Variants in JPH1 observed in about 807,000 individuals in gnomAD.
The protein encoded by JPH1 is junctophilin-1.
JPH1 carries 12 observed loss-of-function variants against 53.6 expected under a neutral mutation model. That is an observed-to-expected ratio of 0.22 (90% CI 0.14 to 0.36). JPH1 has a LOEUF of 0.36. JPH1 is among the 10% of genes least tolerant of loss of function. JPH1 has a pLI of 1.00. For missense variants in JPH1, 808 were observed against 905.5 expected, an observed-to-expected ratio of 0.89 and a Z score of 1.38; for synonymous variants, 375 against 363.8, an observed-to-expected ratio of 1.03 and a Z score of -0.35.
chr8:74,237,186 T>C (rs767485116), intron 5 of JPH1, 22 bp downstream of exon 5: 20 of 1,418,692 alleles, frequency 1.4e-5, no homozygotes, highest in South Asian at 2.5e-5. Flanking sequence ...TGATTTTAGA[T>C]AGAAATTAAG....
intron 2 of JPH1, among the ~76,000 whole-genome samples, chr8:74,260,162 A>G (rs1308526237): frequency 6.6e-6 from 1 of 152,230 alleles, no homozygotes. Context: ...TGAGGAGCCC[A>G]TTTAGCTGAC....
intron 2 of JPH1, among the ~76,000 whole-genome samples, chr8:74,293,434 CACTA>C (rs905172997): frequency 2.6e-5 from 4 of 152,130 alleles, no homozygotes; most frequent in South Asian, 4.1e-4. Context: ...GAGGAGGTGC[CACTA>C]ACTATCATGC....
Position 74,260,448 on chromosome 8 carries a change from T to A in JPH1, c.1140-945A>T, listed in dbSNP as rs16938842. ...CTGCTCTGCAAAGGGAAAGGCCTTGTCCCGTTAGTCTTTAGATGTTTATGG... is the reference window on the plus strand; with the variant it reads ...CTGCTCTGCAAAGGGAAAGGCCTTGACCCGTTAGTCTTTAGATGTTTATGG... On this transcript the variant is annotated intron_variant, in intron 2 of 5. Coordinates refer to ENST00000342232, the MANE Select transcript of JPH1 (RefSeq NM_020647.4). Among the ~76,000 whole-genome samples the A allele has an allele frequency of 6.8e-3, 1,032 of 152,350 alleles. 27 individuals carry two copies. In the East Asian group the frequency reaches 0.093, roughly 14 times the overall value.
At chr8:74,316,270 A>T (rs1195215331) in intron 1 of JPH1, among the ~76,000 whole-genome samples, 1 of 152,186 alleles carries the variant, frequency 6.6e-6, no homozygotes, top group African/African-American at 2.4e-5. Flanking sequence ...CACAATATAT[A>T]TTATGAATAC....
At chr8:74,287,884 C>T (rs1437070044) in intron 2 of JPH1, among the ~76,000 whole-genome samples, 4 of 151,972 alleles carry the variant, frequency 2.6e-5, no homozygotes, top group South Asian at 4.1e-4. Flanking sequence ...CAAACTATGT[C>T]CCTATAATCA....
Position 74,237,138 on chromosome 8 carries a change from T to C in JPH1, c.*15+70A>G, listed in dbSNP as rs1011423088. ...GACAATACGTCATTGTTAAAAAAAA[T>C]AGCAAATTTGCATATGAGAAAAGAA... On this transcript the variant is annotated intron_variant, in intron 5 of 5. Coordinates refer to ENST00000342232, the MANE Select transcript of JPH1 (RefSeq NM_020647.4). 4.7e-5 allele frequency: 48 copies of C among 1,026,758 alleles called. No homozygotes were observed. The East Asian group carries it at 7.0e-4, about 15-fold the overall frequency. 63.6% of individuals were successfully genotyped at this position (1,026,758 alleles called of 1,614,324 possible). A position where few individuals can be genotyped will look rare whatever the true frequency, so the allele number is the denominator to read the frequency against.
intron 2 of JPH1, among the ~76,000 whole-genome samples, chr8:74,282,535 T>C (rs1036991260): frequency 6.6e-6 from 1 of 152,220 alleles, no homozygotes; most frequent in Non-Finnish European, 1.5e-5. Flanking sequence ...TTAGAATGTA[T>C]ATATTTGAAA....
At chr8:74,272,281 C>G (rs930183721) in intron 2 of JPH1, among the ~76,000 whole-genome samples, 1 of 152,166 alleles carries the variant, frequency 6.6e-6, no homozygotes, top group Non-Finnish European at 1.5e-5. Flanking sequence ...ACATTATTTG[C>G]TACTCTGGGC....
intron 2 of JPH1, among the ~76,000 whole-genome samples, chr8:74,281,197 TA>T (rs1807008594): frequency 6.6e-6 from 1 of 152,254 alleles, no homozygotes; most frequent in African/African-American, 2.4e-5. Flanking sequence ...GAACTTTCAC[TA>T]AATTGATCTT....
chr8:74,286,257 C>T (rs1261208371), intron 2 of JPH1, among the ~76,000 whole-genome samples: 3 of 151,986 alleles, frequency 2.0e-5, no homozygotes, highest in South Asian at 2.1e-4. Flanking sequence ...TTTTTTTCTG[C>T]GTTTCTTCTT....
intron 4 of JPH1, among the ~76,000 whole-genome samples, chr8:74,237,514 G>C (rs1466809546): frequency 3.3e-5 from 5 of 152,202 alleles, no homozygotes; most frequent in Non-Finnish European, 7.3e-5. Flanking sequence ...AATGAATCCA[G>C]GCTTGAATTA....
chr8:74,239,604 C>T (rs184388316), intron 4 of JPH1, among the ~76,000 whole-genome samples: 256 of 152,156 alleles, frequency 1.7e-3, no homozygotes, highest in African/African-American at 5.4e-3. Flanking sequence ...ATAGTGGAGA[C>T]GATCTTTCAA....
At position 74,256,459 on chromosome 8, in the gene JPH1, G is replaced by A. The variant is rs558941656; in HGVS notation, c.1258+2926C>T. Among the ~76,000 whole-genome samples, 6 of 151,708 alleles carry A rather than the reference G, an allele frequency of 4.0e-5. No individual in the cohort carries two copies. The East Asian group carries it at 1.2e-3, about 29-fold the overall frequency. On this transcript the variant is annotated intron_variant, in intron 3 of 5. Coordinates refer to ENST00000342232, the MANE Select transcript of JPH1 (RefSeq NM_020647.4). ...CTAATGCTAAATGACGAGTTAATGG[G>A]TGCAGCACACCAACATGGCACATGT...
chr8:74,254,345 T>C (rs989656066), intron 3 of JPH1, among the ~76,000 whole-genome samples: 1 of 151,880 alleles, frequency 6.6e-6, no homozygotes, highest in African/African-American at 2.4e-5. Flanking sequence ...ATTCAACAAC[T>C]CTTCATGCTA....
intron 2 of JPH1, among the ~76,000 whole-genome samples, chr8:74,267,212 C>T (rs542784599): frequency 9.2e-5 from 14 of 152,150 alleles, no homozygotes; most frequent in African/African-American, 3.4e-4. Flanking sequence ...GAACTGTGAG[C>T]GTCATGTCAC....
At chr8:74,270,641 T>C (rs1806671842) in intron 2 of JPH1, among the ~76,000 whole-genome samples, 1 of 152,188 alleles carries the variant, frequency 6.6e-6, no homozygotes, top group African/African-American at 2.4e-5. Context: ...TTTCCTTCAT[T>C]AAAAATGGTG....
chr8:74,321,363 G>T lies in JPH1; in HGVS notation c.-76C>A. ...GCTGGGCACGGCAGGGTGTAGCTCG[G>T]GGGTGGGGGCCCGGCGGGCGAGCTC... On this transcript the variant is annotated 5_prime_UTR_variant, in exon 1 of 6. Transcript: ENST00000342232. This position sits in a 1 kb window ranked among gnomAD's most constrained non-coding sequence, Gnocchi z 4.3. The T allele has an allele frequency of 7.3e-7, 1 of 1,362,860 alleles. No individual in the cohort carries two copies. Among genetic ancestry groups the T allele is most frequent in the Non-Finnish European group, 9.5e-7 (1 of 1,053,010 alleles). 84.4% of individuals were successfully genotyped at this position (1,362,860 alleles called of 1,614,324 possible). A position where few individuals can be genotyped will look rare whatever the true frequency, so the allele number is the denominator to read the frequency against.
chr8:74,271,402 T>C (rs1428873409), intron 2 of JPH1, among the ~76,000 whole-genome samples: 2 of 152,334 alleles, frequency 1.3e-5, no homozygotes, highest in Admixed American at 6.5e-5. Context: ...AAGTTAGACT[T>C]GTTCAATGTG....
chr8:74,237,731 G>T (rs889718461), intron 4 of JPH1, among the ~76,000 whole-genome samples: 4 of 152,164 alleles, frequency 2.6e-5, no homozygotes, highest in African/African-American at 9.7e-5. Context: ...GTAGGACAAA[G>T]CCACCTCCAA....
Sources: allele counts gnomAD v4.1 joint callset (sites outside exome capture counted in the v4.1 genomes callset), GRCh38; gene constraint gnomAD v4.1.1; non-coding constraint Gnocchi (gnomAD v3.1); transcripts MANE v1.5; gene names NCBI Gene and HGNC (gene_info 2026-07-23, HGNC 2026-07-21).